RPL35: variants seen among roughly 807,000 people sequenced by gnomAD.
RPL35 encodes the protein ribosomal protein L35.
RPL35 carries 2 observed loss-of-function variants against 15.6 expected under a neutral mutation model. The observed-to-expected ratio is 0.13, with a 90% CI of 0.05 to 0.40. RPL35 has a LOEUF of 0.40. RPL35 is among the 10% of genes least tolerant of loss of function. RPL35 has a pLI of 0.99. For missense variants in RPL35, 111 were observed against 164.7 expected (o/e 0.67, Z 1.79); for synonymous variants, 93 against 67.9 (o/e 1.37, Z -1.82).
chr9:124,859,524 GAGCCCTGAGTCCCAGCCAGCCCCCACA>G (rs1829162945), intron 3 of RPL35, among the ~76,000 whole-genome samples: 1 of 152,128 alleles, frequency 6.6e-6, no homozygotes, highest in South Asian at 2.1e-4. Context: ...GCTTCAACCT[GAGCCCTGAGTCCCAGCCAGCCCCCACA>G]ATCACCTATG....
In RPL35 at chr9:124,857,909, A is replaced by C. The variant is rs201791005; in HGVS notation, c.*9T>G. The C allele has an allele frequency of 2.3e-4, 367 of 1,611,818 alleles. 3 individuals carry two copies. In the African/African-American group the frequency reaches 4.4e-3, roughly 19 times the overall value. ...CTCAGCCAGCTGTGCTTTATTGACA[A>C]TGCGCCCCTCAGGCCTTGACCGCGT... On this transcript the variant is annotated 3_prime_UTR_variant, in exon 4 of 4. Transcript: ENST00000348462.
chr9:124,861,566 G>C lies in RPL35; in HGVS notation c.4-11C>G. The stretch of plus-strand genomic sequence containing the variant: ...AGCCTTGATCTTGGCCTGCGCGCAA[G>C]AGAGAGTGTGCCTCAGCCAGGCCGC... On this transcript the variant is annotated splice_polypyrimidine_tract_variant and intron_variant, in intron 1 of 3. Coordinates refer to ENST00000348462, the MANE Select transcript of RPL35 (RefSeq NM_007209.4). The C allele has an allele frequency of 6.2e-7, 1 of 1,612,526 alleles. No homozygotes were observed. The highest frequency in any genetic ancestry group is 8.5e-7 in the Non-Finnish European group (1 of 1,179,204).
intron 3 of RPL35, among the ~76,000 whole-genome samples, chr9:124,859,794 G>A (rs2067553): frequency 0.34 from 51,698 of 151,960 alleles, 9,476 homozygotes; most frequent in Middle Eastern, 0.45. Context: ...GGGTGTCTAG[G>A]CCTCAGGGCC....
At chr9:124,860,117 C>CCCGG in intron 3 of RPL35, 66 bp downstream of exon 3, 1 of 1,208,126 alleles carries the variant, frequency 8.3e-7, no homozygotes, top group Non-Finnish European at 1.2e-6. Context: ...TTACCATGTC[C>CCCGG]CCGGCCAGGG....
chr9:124,858,666 C>G (rs3818761), intron 3 of RPL35: 235,824 of 619,972 alleles, frequency 0.38, 46,950 homozygotes, highest in Non-Finnish European at 0.43. Context: ...GGCTCCCACT[C>G]CTGCCCCACT....
Position 124,861,948 on chromosome 9 carries a change from A to T in RPL35, c.-36T>A. The T allele has an allele frequency of 6.3e-7, 1 of 1,595,818 alleles. No individual in the cohort carries two copies. The highest frequency in any genetic ancestry group is 1.1e-5 in the South Asian group (1 of 88,724). On this transcript the variant is annotated 5_prime_UTR_variant, in exon 1 of 4. Transcript: ENST00000348462. ...GCCGCCAACGCCGCCGCCCGCTCCG[A>T]GGGAAAGAGGAAGTAGGCGGGGCTG... is the stretch of plus-strand genomic sequence containing the variant.
chr9:124,861,698 G>A (rs889536987), intron 1 of RPL35, 143 bp from the exon 2 acceptor site: 6 of 1,358,294 alleles, frequency 4.4e-6, no homozygotes, highest in Admixed American at 4.9e-5. Flanking sequence ...AGTCTCCCTC[G>A]CCGGCCGTGC....
intron 2 of RPL35, 113 bp downstream of exon 2, chr9:124,861,306 C>T: frequency 1.5e-6 from 2 of 1,338,984 alleles, no homozygotes; most frequent in Non-Finnish European, 2.1e-6. Context: ...CCAGGATGCA[C>T]GGAGTGGGCA....
rs1318417210 is a variant in RPL35 at position 124,861,490 on chromosome 9, G to A, written c.69C>T (p.Asp23=). 6 of 1,613,982 alleles carry A rather than the reference G, an allele frequency of 3.7e-6. No homozygotes were observed. Among genetic ancestry groups the A allele is most frequent in the Non-Finnish European group, 5.1e-6 (6 of 1,179,982 alleles). The part of the protein sequence containing the change: ...KKEELLKQLD[D]LKVELSQLRV... ...GCAGCTGGGACAGCTCCACCTTCAG[G>A]TCGTCCAGCTGTTTCAGCAGCTCCT... The change falls in exon 2 of 4, where the codon GAC becomes GAT. Residue 23 remains aspartate (D), a synonymous_variant. Coordinates refer to ENST00000348462, the MANE Select transcript of RPL35 (RefSeq NM_007209.4).
chr9:124,859,580 T>C lies in RPL35; in HGVS notation c.222+603A>G, dbSNP rs143377092. ...ACCTATGCCCATTCTTCAGAATACA[T>C]TGGATGCATGTGCACACACCGTCTC... On this transcript the variant is annotated intron_variant, in intron 3 of 3. Transcript: ENST00000348462. Among the ~76,000 whole-genome samples, 307 of 152,196 alleles carry C rather than the reference T, an allele frequency of 2.0e-3. 1 individual carries two copies. The highest frequency in any genetic ancestry group is 1.5e-3 in the Non-Finnish European group (103 of 67,998).
At chr9:124,859,266 C>A (rs890217508) in intron 3 of RPL35, among the ~76,000 whole-genome samples, 3 of 152,228 alleles carry the variant, frequency 2.0e-5, no homozygotes, top group African/African-American at 7.2e-5. Flanking sequence ...CTCGGCCTCC[C>A]AGTAGCTGGG....
chr9:124,861,943 C>G lies in RPL35; in HGVS notation c.-31G>C. The G allele has an allele frequency of 2.5e-6, 4 of 1,597,632 alleles. No homozygotes were observed. Among genetic ancestry groups the G allele is most frequent in the Non-Finnish European group, 3.4e-6 (4 of 1,172,954 alleles). On this transcript the variant is annotated 5_prime_UTR_variant, in exon 1 of 4. Coordinates refer to ENST00000348462, the MANE Select transcript of RPL35 (RefSeq NM_007209.4). Reference sequence around the variant, plus strand: ...CACAAGCCGCCAACGCCGCCGCCCGCTCCGAGGGAAAGAGGAAGTAGGCGG... The same window carrying G: ...CACAAGCCGCCAACGCCGCCGCCCGGTCCGAGGGAAAGAGGAAGTAGGCGG...
At chr9:124,861,295 G>A in intron 2 of RPL35, 124 bp downstream of exon 2, 3 of 1,246,948 alleles carry the variant, frequency 2.4e-6, no homozygotes, top group Non-Finnish European at 3.4e-6. Context: ...TCCCATGCGC[G>A]CCAGGATGCA....
chr9:124,861,200 G>T, intron 2 of RPL35: 1 of 574,584 alleles, frequency 1.7e-6, no homozygotes, highest in Non-Finnish European at 3.0e-6. Flanking sequence ...TTTGAAGGCA[G>T]CATTAAGATG....
At chr9:124,858,163 G>A (rs1564307758) in intron 3 of RPL35, 96 bp from the exon 4 acceptor site, 5 of 1,278,390 alleles carry the variant, frequency 3.9e-6, no homozygotes, top group Non-Finnish European at 5.4e-6. Context: ...GAGCCACTCA[G>A]GAGGAGGCTG....
chr9:124,859,502 C>T (rs552358126), intron 3 of RPL35, among the ~76,000 whole-genome samples: 1 of 152,334 alleles, frequency 6.6e-6, no homozygotes, highest in South Asian at 2.1e-4. Context: ...CAAGTACCCA[C>T]TGGGAACAGC....
In RPL35 at chr9:124,860,076, A is replaced by T. The variant is rs953531901; in HGVS notation, c.222+107T>A. On this transcript the variant is annotated intron_variant, in intron 3 of 3. Transcript: ENST00000348462. ...CAGCAACAAATTGGGAAGGCTAACC[A>T]CTCTCAGCCCACGCACCAAGAAAAA... The T allele has an allele frequency of 1.6e-5, 13 of 809,156 alleles. No individual in the cohort carries two copies. In the African/African-American group the frequency reaches 2.0e-4, roughly 13 times the overall value. 50.1% of individuals were successfully genotyped at this position (809,156 alleles called of 1,614,324 possible). A position where few individuals can be genotyped will look rare whatever the true frequency, so the allele number is the denominator to read the frequency against.
rs370273813 is a variant in RPL35 at position 124,860,257 on chromosome 9, C to T, written c.148G>A (p.Val50Ile). 5.0e-6 allele frequency: 8 copies of T among 1,613,620 alleles called. No homozygotes were observed. Among genetic ancestry groups the T allele is most frequent in the South Asian group, 3.3e-5 (3 of 91,082 alleles). The stretch of plus-strand genomic sequence containing the variant: ...AGAACACGGGCAATGGATTTCCGGA[C>T]GACTCGGCTACAAAACAGAGATGTC... ...AASKLSKIRV[V>I]RKSIARVLTV... The change falls in exon 3 of 4, where the codon GTC becomes ATC. Residue 50 changes from valine to isoleucine, a missense_variant. Val to Ile is a conservative substitution (Grantham distance 29). Transcript: ENST00000348462.
At chr9:124,860,350 G>T in intron 2 of RPL35, 86 bp from the exon 3 acceptor site, 3 of 1,096,432 alleles carry the variant, frequency 2.7e-6, no homozygotes, top group Non-Finnish European at 4.2e-6. Flanking sequence ...AGCAATAGCT[G>T]CAGCCTCCCC....
Sources: allele counts gnomAD v4.1 joint callset (sites outside exome capture counted in the v4.1 genomes callset), GRCh38; gene constraint gnomAD v4.1.1; transcripts MANE v1.5; gene names NCBI Gene and HGNC (gene_info 2026-07-23, HGNC 2026-07-21).